Variants in CFAP299 observed in about 807,000 individuals in gnomAD.
The protein encoded by CFAP299 is cilia- and flagella-associated protein 299.
A neutral mutation model predicts 27.0 loss-of-function variants in CFAP299; 21 were observed. The ratio of observed to expected loss-of-function variants is 0.78; its 90% CI spans 0.55 to 1.12. The LOEUF (loss-of-function observed/expected upper bound fraction) is 1.12. Among genes scored for constraint, CFAP299 ranks in the 50% most tolerant of loss-of-function variants. CFAP299 has a pLI of 0.00. For synonymous variants in CFAP299, 104 were observed against 98.1 expected (o/e 1.06, Z -0.36); for missense variants, 310 against 276.6 (o/e 1.12, Z -0.86).
intron 3 of CFAP299, among the ~76,000 whole-genome samples, chr4:80,638,884 A>T (rs1394579676): frequency 1.3e-5 from 2 of 152,194 alleles, no homozygotes; most frequent in Admixed American, 6.5e-5. Flanking sequence ...TTATTTTCTC[A>T]CATTTCCAGA....
chr4:80,769,378 T>C (rs1433579994), intron 3 of CFAP299, among the ~76,000 whole-genome samples: 1 of 152,120 alleles, frequency 6.6e-6, no homozygotes, highest in Non-Finnish European at 1.5e-5. Flanking sequence ...ACTATAAACT[T>C]AATGGCTTAT....
intron 1 of CFAP299, among the ~76,000 whole-genome samples, chr4:80,337,195 A>C (rs1578327142): frequency 6.6e-6 from 1 of 152,224 alleles, no homozygotes; most frequent in African/African-American, 2.4e-5. Context: ...TTAAATAAAC[A>C]AAAAATGAAA....
chr4:80,702,579 A>G (rs1721566508), intron 3 of CFAP299, among the ~76,000 whole-genome samples: 1 of 151,844 alleles, frequency 6.6e-6, no homozygotes, highest in South Asian at 2.1e-4. Flanking sequence ...TGTCCCTTTT[A>G]AAATTATTAC....
At chr4:80,539,648 A>G (rs1578571177) in intron 2 of CFAP299, among the ~76,000 whole-genome samples, 1 of 152,306 alleles carries the variant, frequency 6.6e-6, no homozygotes, top group Non-Finnish European at 1.5e-5. Context: ...AGAATTTGTA[A>G]TATGATTTTC....
intron 2 of CFAP299, among the ~76,000 whole-genome samples, chr4:80,569,107 G>A (rs1735455373): frequency 6.6e-6 from 1 of 152,016 alleles, no homozygotes; most frequent in Admixed American, 6.6e-5. Context: ...TTCCTACTCC[G>A]TCATTGTGGC....
intron 1 of CFAP299, among the ~76,000 whole-genome samples, chr4:80,351,183 G>C (rs139572566): frequency 3.3e-5 from 5 of 152,166 alleles, no homozygotes; most frequent in Middle Eastern, 3.4e-3. Flanking sequence ...AGGAAACTTG[G>C]ATCAAAATGA....
In CFAP299 at chr4:80,551,105, A is replaced by C. The variant is rs190881767; in HGVS notation, c.243-31988A>C. Reference sequence around the variant, plus strand: ...AGCCAAAACTCTGATAACCATGAAAACTGTTCAACTAAAGTATATAAGCAA... The same window carrying C: ...AGCCAAAACTCTGATAACCATGAAACCTGTTCAACTAAAGTATATAAGCAA... On this transcript the variant is annotated intron_variant, in intron 2 of 5. Transcript: ENST00000358105. Among the ~76,000 whole-genome samples the C allele has an allele frequency of 2.6e-5, 4 of 152,308 alleles. No individual in the cohort carries two copies. The East Asian group carries it at 7.7e-4, about 29-fold the overall frequency.
intron 3 of CFAP299, among the ~76,000 whole-genome samples, chr4:80,807,431 C>T (rs184881618): frequency 3.9e-5 from 6 of 152,102 alleles, no homozygotes; most frequent in South Asian, 4.1e-4. Flanking sequence ...ATACCAAACA[C>T]GTTTTAGATT....
chr4:80,538,468 A>C (rs1733850302), intron 2 of CFAP299, among the ~76,000 whole-genome samples: 1 of 151,898 alleles, frequency 6.6e-6, no homozygotes, highest in Non-Finnish European at 1.5e-5. Context: ...CTTCACATTT[A>C]CTCACCACTT....
intron 2 of CFAP299, among the ~76,000 whole-genome samples, chr4:80,424,649 A>G (rs1364154935): frequency 6.6e-6 from 1 of 152,198 alleles, no homozygotes; most frequent in African/African-American, 2.4e-5. Context: ...GCTGAGAGTG[A>G]TAGGAAATTA....
intron 1 of CFAP299, among the ~76,000 whole-genome samples, chr4:80,342,189 C>T (rs1722491534): frequency 6.6e-6 from 1 of 152,142 alleles, no homozygotes; most frequent in African/African-American, 2.4e-5. Context: ...GAACCTACGA[C>T]TGATTGGGGT....
intron 2 of CFAP299, chr4:80,387,371 A>G: frequency 6.2e-6 from 8 of 1,293,598 alleles, no homozygotes; most frequent in South Asian, 5.9e-5. Context: ...ATGCTGGGTC[A>G]TGTGAGACTT....
chr4:80,866,257 T>C (rs1732742516), intron 3 of CFAP299, among the ~76,000 whole-genome samples: 1 of 151,306 alleles, frequency 6.6e-6, no homozygotes, highest in African/African-American at 2.4e-5. Flanking sequence ...AATTGGGCAT[T>C]TTCTGGTTGA....
At chr4:80,805,485 G>A (rs192388466) in intron 3 of CFAP299, among the ~76,000 whole-genome samples, 1 of 152,164 alleles carries the variant, frequency 6.6e-6, no homozygotes, top group East Asian at 1.9e-4. Context: ...AAATGAAGTA[G>A]CAATTAACTT....
intron 3 of CFAP299, among the ~76,000 whole-genome samples, chr4:80,801,099 A>T (rs1728564695): frequency 6.6e-6 from 1 of 151,684 alleles, no homozygotes; most frequent in African/African-American, 2.4e-5. Flanking sequence ...CTCCTTTGGC[A>T]ACACCCTCAC....
chr4:80,798,325 A>T (rs1377835543), intron 3 of CFAP299, among the ~76,000 whole-genome samples: 1 of 152,094 alleles, frequency 6.6e-6, no homozygotes, highest in African/African-American at 2.4e-5. Context: ...GAAAGTGGAA[A>T]GGCTGATGGC....
the CFAP299 span, among the ~76,000 whole-genome samples, chr4:80,327,192 T>C: frequency 6.6e-6 from 1 of 152,108 alleles, no homozygotes; most frequent in African/African-American, 2.4e-5. Flanking sequence ...TTTGACATCC[T>C]GATATCAGAA....
intron 3 of CFAP299, among the ~76,000 whole-genome samples, chr4:80,721,200 T>C (rs1464389877): frequency 6.6e-6 from 1 of 151,836 alleles, no homozygotes; most frequent in East Asian, 1.9e-4. Context: ...TGGCTGAAAA[T>C]TTTCAAATTT....
At chr4:80,411,253 C>CTTAAA (rs1457036810) in intron 2 of CFAP299, among the ~76,000 whole-genome samples, 58 of 152,126 alleles carry the variant, frequency 3.8e-4, no homozygotes, top group Admixed American at 1.1e-3. Flanking sequence ...CCACAGTGAA[C>CTTAAA]TTAAATTTTA....
Sources: gnomAD v4.1 joint callset for allele counts (sites outside exome capture counted in the v4.1 genomes callset) on GRCh38, gnomAD v4.1.1 for gene constraint, MANE v1.5 for transcripts, NCBI Gene and HGNC (gene_info 2026-07-23, HGNC 2026-07-21) for gene names.